Variants in TSHZ2 observed in about 807,000 individuals in gnomAD.
TSHZ2 encodes teashirt homolog 2.
A neutral mutation model predicts 74.4 loss-of-function variants in TSHZ2; 21 were observed. The observed-to-expected ratio is 0.28, with a 90% confidence interval of 0.20 to 0.41. The LOEUF (loss-of-function observed/expected upper bound fraction) is 0.41, where lower values mean the gene tolerates loss of function less well. TSHZ2 is among the 10% of genes least tolerant of loss of function. The pLI is 1.00. For missense variants in TSHZ2, 1,244 were observed against 1,293.5 expected (o/e 0.96, Z 0.59); for synonymous variants, 540 against 515.3 (o/e 1.05, Z -0.65).
intron 1 of TSHZ2, among the ~76,000 whole-genome samples, chr20:52,987,228 G>T (rs1053571514): frequency 1.3e-5 from 2 of 152,122 alleles, no homozygotes; most frequent in African/African-American, 2.4e-5. Flanking sequence ...ATAGAGGAGT[G>T]GTTCTCAACC....
At chr20:53,348,752 C>A (rs921115236) in intron 2 of TSHZ2, among the ~76,000 whole-genome samples, 1 of 152,138 alleles carries the variant, frequency 6.6e-6, no homozygotes, top group Non-Finnish European at 1.5e-5. Context: ...CTTCTTCTTC[C>A]CAAATGTTTC....
intron 1 of TSHZ2, among the ~76,000 whole-genome samples, chr20:53,207,153 G>T (rs1423826113): frequency 6.6e-6 from 1 of 152,128 alleles, no homozygotes; most frequent in African/African-American, 2.4e-5. Context: ...ACATACAGTT[G>T]TTCCTGTTTC....
chr20:53,292,319 T>C (rs200638), intron 2 of TSHZ2, among the ~76,000 whole-genome samples: 12,087 of 152,292 alleles, frequency 0.079, 635 homozygotes, highest in East Asian at 0.23. Flanking sequence ...GATTTTTGAC[T>C]GCTTGTCTGG....
At chr20:53,277,141 A>T (rs905679205) in intron 2 of TSHZ2, among the ~76,000 whole-genome samples, 1 of 152,144 alleles carries the variant, frequency 6.6e-6, no homozygotes, top group Non-Finnish European at 1.5e-5. Flanking sequence ...TATTAAGAGG[A>T]ATTTCTCACC....
intron 1 of TSHZ2, among the ~76,000 whole-genome samples, chr20:53,222,695 A>G (rs919541148): frequency 1.3e-5 from 2 of 152,252 alleles, no homozygotes; most frequent in African/African-American, 4.8e-5. Flanking sequence ...CTGCTAATGC[A>G]GTGAAGTTAG....
chr20:53,161,529 G>A (rs1024820229), intron 1 of TSHZ2, among the ~76,000 whole-genome samples: 1 of 152,222 alleles, frequency 6.6e-6, no homozygotes, highest in Non-Finnish European at 1.5e-5. Flanking sequence ...CTGCATGGCT[G>A]GGTAGGCCTC....
intron 2 of TSHZ2, among the ~76,000 whole-genome samples, chr20:53,305,749 G>A (rs536506566): frequency 3.2e-4 from 49 of 152,268 alleles, no homozygotes; most frequent in African/African-American, 1.1e-3. Flanking sequence ...GGAGGCCTAG[G>A]CAGGTGGATC....
chr20:53,231,162 T>C (rs1004348262), intron 1 of TSHZ2, among the ~76,000 whole-genome samples: 7 of 152,204 alleles, frequency 4.6e-5, no homozygotes, highest in African/African-American at 1.4e-4. Flanking sequence ...GCCCTAGACA[T>C]GTCTGCAGTC....
chr20:53,019,248 GT>G (rs11476165), intron 1 of TSHZ2, among the ~76,000 whole-genome samples: 42,149 of 148,168 alleles, frequency 0.28, 6,999 homozygotes, highest in East Asian at 0.51. Context: ...AGTTGCCTGG[GT>G]TTTTTTTTTT....
intron 2 of TSHZ2, among the ~76,000 whole-genome samples, chr20:53,440,592 C>G (rs1984273558): frequency 6.6e-6 from 1 of 152,194 alleles, no homozygotes; most frequent in Non-Finnish European, 1.5e-5. Flanking sequence ...GGCCACATTC[C>G]TGATCTCGTG....
chr20:53,275,209 A>G (rs6022368), intron 2 of TSHZ2, among the ~76,000 whole-genome samples: 50,392 of 151,938 alleles, frequency 0.33, 9,677 homozygotes, highest in African/African-American at 0.54. Flanking sequence ...AGAGGCATTT[A>G]CTTAATAACT....
chr20:53,371,281 G>A (rs1037286039), intron 2 of TSHZ2, among the ~76,000 whole-genome samples: 1 of 152,170 alleles, frequency 6.6e-6, no homozygotes, highest in Admixed American at 6.5e-5. Context: ...ATTCAGTATA[G>A]AGACTCTGGC....
At chr20:53,217,058 G>A (rs1989453668) in intron 1 of TSHZ2, among the ~76,000 whole-genome samples, 1 of 152,204 alleles carries the variant, frequency 6.6e-6, no homozygotes, top group South Asian at 2.1e-4. Flanking sequence ...GCATTAGAAA[G>A]TCTGTGGTCG....
At chr20:53,095,269 G>C (rs987118814) in intron 1 of TSHZ2, among the ~76,000 whole-genome samples, 3 of 152,182 alleles carry the variant, frequency 2.0e-5, no homozygotes. Context: ...AGCAGCCTCA[G>C]CTTTATATCT....
At chr20:53,242,617 C>T (rs1990097316) in intron 1 of TSHZ2, among the ~76,000 whole-genome samples, 1 of 150,924 alleles carries the variant, frequency 6.6e-6, no homozygotes, top group Non-Finnish European at 1.5e-5. Context: ...CATCTACTTC[C>T]CATAGGGAGT....
At chr20:53,430,398 C>A (rs1983799042) in intron 2 of TSHZ2, among the ~76,000 whole-genome samples, 1 of 151,812 alleles carries the variant, frequency 6.6e-6, no homozygotes, top group South Asian at 2.1e-4. Flanking sequence ...AGCCACTGCA[C>A]CCGGCCAAGG....
chr20:53,438,916 C>T (rs952172141), intron 2 of TSHZ2, among the ~76,000 whole-genome samples: 5 of 152,024 alleles, frequency 3.3e-5, no homozygotes, highest in South Asian at 2.1e-4. Context: ...GCTGAGATCG[C>T]GCCATTGCAC....
intron 2 of TSHZ2, among the ~76,000 whole-genome samples, chr20:53,415,354 A>C (rs1983200221): frequency 1.3e-5 from 2 of 152,166 alleles, no homozygotes; most frequent in South Asian, 4.1e-4. Context: ...AGTACAGATG[A>C]TTCCAGAGAA....
Position 53,216,665 on chromosome 20 carries a change from A to G in TSHZ2, c.41-36834A>G, listed in dbSNP as rs532525940. Among the ~76,000 whole-genome samples, 3 of 152,328 alleles carry G rather than the reference A, an allele frequency of 2.0e-5. No individual in the cohort carries two copies. In the South Asian group the frequency reaches 6.2e-4, roughly 32 times the overall value. ...TGATGTTTACACCTCTCAAAGGTGC[A>G]TGGAGCCCCACAATGTGTCACTCTC... On this transcript the variant is annotated intron_variant, in intron 1 of 2. Transcript: ENST00000371497.
Sources: allele counts gnomAD v4.1 joint callset (sites outside exome capture counted in the v4.1 genomes callset), GRCh38; gene constraint gnomAD v4.1.1; transcripts MANE v1.5; gene names NCBI Gene and HGNC (gene_info 2026-07-23, HGNC 2026-07-21).